Variants in NXPH1 observed in about 807,000 individuals in gnomAD.
NXPH1 encodes the protein neurexophilin 1.
A neutral mutation model predicts 23.7 loss-of-function variants in NXPH1; 5 were observed. The observed-to-expected ratio is 0.21, with a 90% CI of 0.11 to 0.44. The LOEUF (loss-of-function observed/expected upper bound fraction) is 0.44, where lower values mean the gene tolerates loss of function less well. Ranked by LOEUF, NXPH1 falls within the 20% of genes least tolerant of loss-of-function variation. NXPH1 has a pLI of 0.99. For missense variants in NXPH1, 324 were observed against 321.6 expected (o/e 1.01, Z -0.06); for synonymous variants, 144 against 122.2 (o/e 1.18, Z -1.18).
At chr7:8,579,691 A>G (rs1271438926) in intron 2 of NXPH1, among the ~76,000 whole-genome samples, 1 of 152,332 alleles carries the variant, frequency 6.6e-6, no homozygotes, top group East Asian at 1.9e-4. Flanking sequence ...GTTTTATGAC[A>G]CAAAATTCAG....
At chr7:8,488,406 G>A (rs1340635036) in intron 2 of NXPH1, among the ~76,000 whole-genome samples, 5 of 152,014 alleles carry the variant, frequency 3.3e-5, no homozygotes, top group Non-Finnish European at 7.4e-5. Context: ...TATAACATTT[G>A]ACCATTTAAT....
intron 2 of NXPH1, among the ~76,000 whole-genome samples, chr7:8,690,514 G>T (rs1821206901): frequency 6.6e-6 from 1 of 152,078 alleles, no homozygotes; most frequent in Admixed American, 6.6e-5. Flanking sequence ...TTTCAAGCAA[G>T]AAATAAGAAT....
intron 2 of NXPH1, among the ~76,000 whole-genome samples, chr7:8,677,973 G>T (rs11984191): frequency 0.77 from 116,746 of 151,714 alleles, 45,303 homozygotes; most frequent in East Asian, 1. Flanking sequence ...ACTATATATG[G>T]TTATAAAATA....
At chr7:8,510,166 G>C (rs1008013898) in intron 2 of NXPH1, among the ~76,000 whole-genome samples, 2 of 152,124 alleles carry the variant, frequency 1.3e-5, no homozygotes, top group Non-Finnish European at 2.9e-5. Context: ...CTGAAAGCCA[G>C]GTGTGACAAA....
intron 2 of NXPH1, among the ~76,000 whole-genome samples, chr7:8,722,420 T>C (rs1779983558): frequency 6.6e-6 from 1 of 152,202 alleles, no homozygotes; most frequent in Non-Finnish European, 1.5e-5. Flanking sequence ...AATGGTTCTC[T>C]CATTTCAATT....
At chr7:8,476,653 T>C (rs1816978187) in intron 2 of NXPH1, among the ~76,000 whole-genome samples, 1 of 152,096 alleles carries the variant, frequency 6.6e-6, no homozygotes, top group Admixed American at 6.6e-5. Flanking sequence ...ATTATTTATT[T>C]TTTCTACCTT....
intron 2 of NXPH1, among the ~76,000 whole-genome samples, chr7:8,564,050 A>G (rs1425580013): frequency 2.0e-5 from 3 of 151,922 alleles, no homozygotes; most frequent in South Asian, 2.1e-4. Context: ...CATAAAACTA[A>G]GAAACTTCCC....
rs764413303 is a variant in NXPH1, at chr7:8,750,998, CT to C, written c.55-9del. The C allele has an allele frequency of 5.0e-6, 8 of 1,611,660 alleles. No individual in the cohort carries two copies. In the South Asian group the frequency reaches 5.5e-5, roughly 11 times the overall value. ...GAGATGTAAATGCCATTTTTCTCTT[CT>C]GTTTTCAGGTCACATGTGCCAATTT... On this transcript the variant is annotated splice_polypyrimidine_tract_variant and intron_variant, in intron 2 of 2. Coordinates refer to ENST00000405863, the MANE Select transcript of NXPH1 (RefSeq NM_152745.3).
intron 2 of NXPH1, among the ~76,000 whole-genome samples, chr7:8,436,610 A>G (rs1303421042): frequency 6.6e-6 from 1 of 151,768 alleles, no homozygotes; most frequent in Non-Finnish European, 1.5e-5. Flanking sequence ...GAGATATTTC[A>G]GGTCTGGCTT....
chr7:8,456,888 T>C (rs1200207645), intron 2 of NXPH1, among the ~76,000 whole-genome samples: 2 of 152,182 alleles, frequency 1.3e-5, no homozygotes, highest in African/African-American at 4.8e-5. Context: ...GCCAGTGATT[T>C]CTAACTCCAT....
intron 2 of NXPH1, among the ~76,000 whole-genome samples, chr7:8,436,443 A>C (rs906220391): frequency 6.6e-6 from 1 of 152,174 alleles, no homozygotes; most frequent in Non-Finnish European, 1.5e-5. Flanking sequence ...CCTTGTCGCC[A>C]GGGAGAGAAT....
At chr7:8,673,241 T>A (rs1451949866) in intron 2 of NXPH1, among the ~76,000 whole-genome samples, 1 of 152,078 alleles carries the variant, frequency 6.6e-6, no homozygotes, top group Non-Finnish European at 1.5e-5. Flanking sequence ...CAAAAGTTAT[T>A]TGAGTGAGAT....
chr7:8,625,710 A>G (rs1344025819), intron 2 of NXPH1, among the ~76,000 whole-genome samples: 1 of 152,168 alleles, frequency 6.6e-6, no homozygotes, highest in Non-Finnish European at 1.5e-5. Context: ...TTTTCTTAAC[A>G]AAGCTTTCAG....
intron 2 of NXPH1, among the ~76,000 whole-genome samples, chr7:8,665,489 G>A (rs1278229943): frequency 6.6e-6 from 1 of 151,874 alleles, no homozygotes; most frequent in Non-Finnish European, 1.5e-5. Flanking sequence ...GATTGCTTTG[G>A]CCATTTGGGG....
At chr7:8,454,579 G>A (rs193280225) in intron 2 of NXPH1, among the ~76,000 whole-genome samples, 75 of 152,192 alleles carry the variant, frequency 4.9e-4, no homozygotes, top group Non-Finnish European at 8.2e-4. Context: ...CTGATGACAT[G>A]CATTGGCCAT....
Position 8,751,649 on chromosome 7 carries a change from C to T in NXPH1, c.696C>T (p.Ser232=), listed in dbSNP as rs768909829. Reference sequence around the variant, plus strand: ...AAAGTCATGTATCCTGGCTCTGCTCCAAGCCCTTTAAGGTGATCTGTATTT... The same window carrying T: ...AAAGTCATGTATCCTGGCTCTGCTCTAAGCCCTTTAAGGTGATCTGTATTT... The part of the protein sequence containing the change: ...QTQSHVSWLC[S]KPFKVICIYI... Residue 232 remains serine (S), a synonymous_variant, in exon 3 of 3, where the codon TCC becomes TCT. Coordinates refer to ENST00000405863, the MANE Select transcript of NXPH1 (RefSeq NM_152745.3). The surrounding 1 kb of genome is among the most constrained non-coding windows in gnomAD (Gnocchi z 4.5). 1.2e-6 allele frequency: 2 copies of T among 1,613,268 alleles called. No individual in the cohort carries two copies. The highest frequency in any genetic ancestry group is 2.7e-5 in the African/African-American group (2 of 74,922).
chr7:8,701,317 T>C (rs1399145989), intron 2 of NXPH1, among the ~76,000 whole-genome samples: 1 of 152,100 alleles, frequency 6.6e-6, no homozygotes, highest in Non-Finnish European at 1.5e-5. Flanking sequence ...CTTCTTTCCA[T>C]AGAACCCAGT....
Position 8,751,086 on chromosome 7 carries a change from A to G in NXPH1, c.133A>G (p.Ile45Val). ...SGSSKSTLKH[I>V]WTESSKDLSI... ...AAGCAGCAAATCCACACTAAAGCAC[A>G]TATGGACAGAAAGCAGCAAAGACTT... Residue 45 changes from isoleucine (I) to valine (V), a missense_variant, in exon 3 of 3, where the codon ATA (isoleucine) becomes GTA (valine). By Grantham distance (29) the Ile-to-Val change is conservative (BLOSUM62 3). Coordinates refer to ENST00000405863, the MANE Select transcript of NXPH1 (RefSeq NM_152745.3). The surrounding 1 kb of genome is among the most constrained non-coding windows in gnomAD (Gnocchi z 4.5). 6.2e-7 allele frequency: 1 copy of G among 1,613,910 alleles called. No homozygotes were observed. The highest frequency in any genetic ancestry group is 2.2e-5 in the East Asian group (1 of 44,886).
intron 2 of NXPH1, among the ~76,000 whole-genome samples, chr7:8,587,085 G>C (rs1436063130): frequency 4.6e-5 from 7 of 152,032 alleles, no homozygotes; most frequent in African/African-American, 1.7e-4. Context: ...TCAAAATACA[G>C]TTAAGACTTT....
Sources: gnomAD v4.1 joint callset for allele counts (sites outside exome capture counted in the v4.1 genomes callset) on GRCh38, gnomAD v4.1.1 for gene constraint, Gnocchi (gnomAD v3.1) non-coding constraint, MANE v1.5 for transcripts, NCBI Gene and HGNC (gene_info 2026-07-23, HGNC 2026-07-21) for gene names.